ADARB2: variants seen among roughly 807,000 people sequenced by gnomAD.
The protein encoded by ADARB2 is inactive double-stranded RNA-specific editase B2.
Under a neutral mutation model 62.2 loss-of-function variants are expected in ADARB2, and 25 were observed. The ratio of observed to expected loss-of-function variants is 0.40; its 90% confidence interval spans 0.29 to 0.56. ADARB2 has a LOEUF of 0.56. Among genes scored for constraint, ADARB2 ranks in the 20% least tolerant of loss-of-function variants. The probability of loss-of-function intolerance (pLI) is 0.43; values close to 1 mark genes in which losing one functional copy is unlikely to be tolerated. For missense variants in ADARB2, 1,071 were observed against 1,077.4 expected (o/e 0.99, Z 0.08); for synonymous variants, 572 against 500.8 (o/e 1.14, Z -1.90).
chr10:1,585,747 A>C (rs1019818949), intron 1 of ADARB2, among the ~76,000 whole-genome samples: 3 of 152,174 alleles, frequency 2.0e-5, no homozygotes, highest in African/African-American at 7.2e-5. Flanking sequence ...TATAAAACCA[A>C]ACTGTGTCTG....
intron 1 of ADARB2, among the ~76,000 whole-genome samples, chr10:1,415,354 G>A (rs1832793192): frequency 6.6e-6 from 1 of 152,066 alleles, no homozygotes; most frequent in South Asian, 2.1e-4. Flanking sequence ...GGATGGATGG[G>A]TGGATCATGG....
Position 1,580,936 on chromosome 10 carries a change from C to A in ADARB2, c.100+156115G>T, listed in dbSNP as rs192749815. Among the ~76,000 whole-genome samples the A allele has an allele frequency of 2.8e-3, 425 of 152,360 alleles. 3 individuals are homozygous for A. The highest frequency in any genetic ancestry group is 9.9e-3 in the African/African-American group (413 of 41,586). ...TCATTTCTCTCTGTGCTGAATCATG[C>A]ACCATCGTGCGGATGAAGCCCAGTG... On this transcript the variant is annotated intron_variant, in intron 1 of 9. Coordinates refer to ENST00000381312, the MANE Select transcript of ADARB2 (RefSeq NM_018702.4).
chr10:1,437,308 G>A (rs2805551), intron 1 of ADARB2, among the ~76,000 whole-genome samples: 150,971 of 152,264 alleles, frequency 0.99, 74,856 homozygotes, highest in Middle Eastern at 1. Context: ...ATGTGTGTGT[G>A]TGTATATATG....
At chr10:1,699,111 T>C (rs1436074072) in intron 1 of ADARB2, among the ~76,000 whole-genome samples, 1 of 152,260 alleles carries the variant, frequency 6.6e-6, no homozygotes, top group African/African-American at 2.4e-5. Flanking sequence ...ACTGCAGTGA[T>C]TTTAAGCGTT....
At chr10:1,650,501 C>T (rs987398488) in intron 1 of ADARB2, among the ~76,000 whole-genome samples, 12 of 116,248 alleles carry the variant, frequency 1.0e-4, no homozygotes, top group South Asian at 3.0e-4. Context: ...ATGACCACAG[C>T]GCAGGGAAAC....
chr10:1,244,906 C>A (rs1397288621), intron 4 of ADARB2, among the ~76,000 whole-genome samples: 1 of 152,152 alleles, frequency 6.6e-6, no homozygotes, highest in East Asian at 1.9e-4. Flanking sequence ...CGTTGGAGCC[C>A]GTAGGAGATG....
chr10:1,680,911 A>G (rs1834527353), intron 1 of ADARB2, among the ~76,000 whole-genome samples: 1 of 152,208 alleles, frequency 6.6e-6, no homozygotes, highest in Non-Finnish European at 1.5e-5. Context: ...TCCTCATCAG[A>G]TCCCATAATA....
At chr10:1,463,460 G>C (rs904328933) in intron 1 of ADARB2, among the ~76,000 whole-genome samples, 3 of 152,206 alleles carry the variant, frequency 2.0e-5, no homozygotes, top group African/African-American at 7.2e-5. Flanking sequence ...GTTTGATGCC[G>C]TCAGCTTTTC....
At chr10:1,358,207 G>A (rs931380223) in intron 3 of ADARB2, among the ~76,000 whole-genome samples, 11 of 152,188 alleles carry the variant, frequency 7.2e-5, no homozygotes, top group African/African-American at 2.2e-4. Flanking sequence ...ATTCAGCTGC[G>A]TATTTCTTGG....
rs745878578 is a variant in ADARB2, at chr10:1,662,977, G to A, written c.100+74074C>T. Among the ~76,000 whole-genome samples, 4 of 152,166 alleles carry A rather than the reference G, an allele frequency of 2.6e-5. No individual in the cohort carries two copies. In the East Asian group the frequency reaches 5.8e-4, roughly 22 times the overall value. On this transcript the variant is annotated intron_variant, in intron 1 of 9. Coordinates refer to ENST00000381312, the MANE Select transcript of ADARB2 (RefSeq NM_018702.4). ...AGAGAACTGCCAATCAACCAGACGCGGAACACGACATCACCAGGCAGACAC... is the reference window on the plus strand; with the variant it reads ...AGAGAACTGCCAATCAACCAGACGCAGAACACGACATCACCAGGCAGACAC...
At chr10:1,674,691 G>A (rs1369818655) in intron 1 of ADARB2, among the ~76,000 whole-genome samples, 6 of 152,116 alleles carry the variant, frequency 3.9e-5, no homozygotes, top group Non-Finnish European at 5.9e-5. Context: ...GACCGGTCCC[G>A]GAGGTCACCT....
rs559732032 is a variant in ADARB2, at chr10:1,351,250, T to G, written c.1077+11778A>C. ...CTGCCCGATCACCTCAGAAGCCTCC[T>G]GGACCATCACGGATGCTGAGCTTCG... On this transcript the variant is annotated intron_variant, in intron 3 of 9. Transcript: ENST00000381312. Among the ~76,000 whole-genome samples the G allele has an allele frequency of 5.3e-5, 8 of 152,320 alleles. No individual in the cohort carries two copies. The South Asian group carries it at 1.7e-3, about 32-fold the overall frequency.
intron 4 of ADARB2, among the ~76,000 whole-genome samples, chr10:1,257,534 C>T (rs936756336): frequency 6.6e-6 from 1 of 151,528 alleles, no homozygotes; most frequent in Non-Finnish European, 1.5e-5. Context: ...CTCTTCCTGT[C>T]ATCAGTGTGA....
chr10:1,293,424 G>C (rs74227798), intron 3 of ADARB2, among the ~76,000 whole-genome samples: 4 of 7,538 alleles, frequency 5.3e-4, no homozygotes, highest in East Asian at 5.3e-3. Context: ...TTTTAGCCCC[G>C]TCCTCCTCTG....
At chr10:1,640,225 T>C (rs187860340) in intron 1 of ADARB2, among the ~76,000 whole-genome samples, 32 of 152,336 alleles carry the variant, frequency 2.1e-4, no homozygotes, top group Non-Finnish European at 3.8e-4. Context: ...AGTCTCGTTT[T>C]CCTTGGACAA....
intron 1 of ADARB2, among the ~76,000 whole-genome samples, chr10:1,493,102 T>G (rs759186829): frequency 3.3e-5 from 5 of 152,222 alleles, no homozygotes; most frequent in African/African-American, 7.2e-5. Context: ...TCAGAACTTT[T>G]AAAGCATGCA....
At chr10:1,336,066 C>A (rs1041182859) in intron 3 of ADARB2, among the ~76,000 whole-genome samples, 1 of 152,194 alleles carries the variant, frequency 6.6e-6, no homozygotes, top group East Asian at 1.9e-4. Flanking sequence ...CTAAACATGT[C>A]CTCCATTTTA....
intron 3 of ADARB2, among the ~76,000 whole-genome samples, chr10:1,300,904 T>C (rs1831566826): frequency 6.6e-6 from 1 of 152,160 alleles, no homozygotes; most frequent in Non-Finnish European, 1.5e-5. Flanking sequence ...GATAAAGCAA[T>C]ATGCAATGTA....
At chr10:1,511,419 G>A (rs1243543770) in intron 1 of ADARB2, among the ~76,000 whole-genome samples, 2 of 152,170 alleles carry the variant, frequency 1.3e-5, no homozygotes, top group African/African-American at 4.8e-5. Flanking sequence ...GGGGAGACAT[G>A]TGTGGGATGT....
Sources: gnomAD v4.1 joint callset for allele counts (sites outside exome capture counted in the v4.1 genomes callset) on GRCh38, gnomAD v4.1.1 for gene constraint, MANE v1.5 for transcripts, NCBI Gene and HGNC (gene_info 2026-07-23, HGNC 2026-07-21) for gene names.